The following DACH2 variants were observed in gnomAD, a reference collection of about 807,000 sequenced individuals.
DACH2 encodes dachshund family transcription factor 2, also known as dachshund homolog 2.
Under a neutral mutation model 35.8 loss-of-function variants are expected in DACH2, and 17 were observed. The ratio of observed to expected loss-of-function variants is 0.48; its 90% CI spans 0.33 to 0.71. The LOEUF (loss-of-function observed/expected upper bound fraction) is 0.71. Ranked by LOEUF, DACH2 falls within the 30% of genes least tolerant of loss-of-function variation. The pLI is 0.02. For missense variants in DACH2, 469 were observed against 472.7 expected (o/e 0.99, Z 0.07); for synonymous variants, 195 against 177.3 (o/e 1.10, Z -0.79).
intron 2 of DACH2, among the ~76,000 whole-genome samples, chrX:86,381,336 A>T (rs997432703): frequency 6.3e-5 from 7 of 111,320 alleles, no homozygotes; most frequent in African/African-American, 2.3e-4. Flanking sequence ...ATTGATTCCG[A>T]TCACTTAGCA....
chrX:86,562,777 C>G (rs2039241065), intron 3 of DACH2, among the ~76,000 whole-genome samples: 1 of 111,325 alleles, frequency 9.0e-6, no homozygotes, highest in African/African-American at 3.3e-5. Flanking sequence ...TTCTAGAACT[C>G]TGCTTTTGCA....
intron 2 of DACH2, among the ~76,000 whole-genome samples, chrX:86,489,521 C>T (rs1342393690): frequency 9.0e-6 from 1 of 110,727 alleles, no homozygotes; most frequent in Non-Finnish European, 1.9e-5. Flanking sequence ...GAAGATTTTA[C>T]ACGTTCTTGC....
chrX:86,180,315 T>A (rs1429072870), intron 1 of DACH2, among the ~76,000 whole-genome samples: 1 of 104,350 alleles, frequency 9.6e-6, no homozygotes, highest in Non-Finnish European at 2.0e-5. Context: ...TTTTTTCTTA[T>A]GGGTACATTT....
At chrX:86,720,659 A>G (rs2041394903) in intron 6 of DACH2, among the ~76,000 whole-genome samples, 1 of 111,980 alleles carries the variant, frequency 8.9e-6, no homozygotes, top group Non-Finnish European at 1.9e-5. Context: ...TGGCTTTTCC[A>G]GGAGCATGGT....
At chrX:86,464,652 G>A (rs1012102556) in intron 2 of DACH2, among the ~76,000 whole-genome samples, 3 of 110,602 alleles carry the variant, frequency 2.7e-5, no homozygotes, top group African/African-American at 9.9e-5. Context: ...AAACCTGCAT[G>A]TTCTGCACAT....
At chrX:86,642,922 C>T (rs1003522790) in intron 3 of DACH2, among the ~76,000 whole-genome samples, 7 of 111,246 alleles carry the variant, frequency 6.3e-5, no homozygotes, top group Admixed American at 5.7e-4. Context: ...AACAAAGATG[C>T]AACATACCAG....
At chrX:86,418,059 A>G (rs111504349) in intron 2 of DACH2, among the ~76,000 whole-genome samples, 1 of 111,417 alleles carries the variant, frequency 9.0e-6, no homozygotes, top group Non-Finnish European at 1.9e-5. Context: ...AAATTATCTC[A>G]TTTGACTCCA....
intron 7 of DACH2, among the ~76,000 whole-genome samples, chrX:86,756,181 A>G (rs188873935): frequency 3.2e-3 from 352 of 111,311 alleles, no homozygotes; most frequent in Non-Finnish European, 5.0e-3. Context: ...TGGTGCCTCC[A>G]TGTTCATTCT....
rs764503303 is a variant in DACH2 at position 86,278,829 on chromosome X, C to T, written c.489-97995C>T. ...CGCTGCCAGCACAGCAGTCTGAAAT[C>T]GACCTGGGATGCTCGAATTTGGTGG... On this transcript the variant is annotated intron_variant, in intron 1 of 11. Coordinates refer to ENST00000373125, the MANE Select transcript of DACH2 (RefSeq NM_053281.3). Among the ~76,000 whole-genome samples the T allele has an allele frequency of 2.0e-4, 22 of 111,627 alleles. No homozygotes were observed. The South Asian group carries it at 8.0e-3, about 41-fold the overall frequency.
At chrX:86,291,636 G>T (rs1388141096) in intron 1 of DACH2, among the ~76,000 whole-genome samples, 6 of 108,400 alleles carry the variant, frequency 5.5e-5, no homozygotes, top group South Asian at 4.1e-4. Context: ...TAGCATGAAG[G>T]GTTGTTAAAT....
chrX:86,156,209 T>C (rs2030539811), intron 1 of DACH2, among the ~76,000 whole-genome samples: 1 of 111,433 alleles, frequency 9.0e-6, no homozygotes, highest in Non-Finnish European at 1.9e-5. Flanking sequence ...ATTTGTTACA[T>C]AAAACAAAAC....
chrX:86,624,658 G>A (rs2040112190), intron 3 of DACH2, among the ~76,000 whole-genome samples: 1 of 111,665 alleles, frequency 9.0e-6, no homozygotes, highest in Non-Finnish European at 1.9e-5. Context: ...GACAAAATGG[G>A]AAAAGGAAGA....
intron 2 of DACH2, among the ~76,000 whole-genome samples, chrX:86,413,367 A>T (rs1188775462): frequency 8.9e-6 from 1 of 112,253 alleles, no homozygotes; most frequent in Non-Finnish European, 1.9e-5. Context: ...ATGGACAGGA[A>T]TGGAGAAAAA....
chrX:86,746,720 G>A lies in DACH2; in HGVS notation c.1240+6838G>A, dbSNP rs188656774. ...CTAAATATTTTATCCCATTTTGTGG[G>A]TTATCTTTTTACTGTTTTCGTAGTA... On this transcript the variant is annotated intron_variant, in intron 7 of 11. Transcript: ENST00000373125. 4.9e-3 allele frequency among the ~76,000 whole-genome samples: 541 copies of A among 110,914 alleles called. 1 individual carries two copies. The highest frequency in any genetic ancestry group is 9.2e-3 in the Admixed American group (95 of 10,373).
chrX:86,491,717 G>T (rs145209933), intron 2 of DACH2, among the ~76,000 whole-genome samples: 45 of 111,555 alleles, frequency 4.0e-4, no homozygotes, highest in African/African-American at 1.4e-3. Flanking sequence ...TTAAGAAAGA[G>T]AAAACAAAAT....
chrX:86,412,454 G>T (rs1204674825), intron 2 of DACH2, among the ~76,000 whole-genome samples: 1 of 111,542 alleles, frequency 9.0e-6, no homozygotes, highest in Non-Finnish European at 1.9e-5. Flanking sequence ...TCACCTAGTT[G>T]GTGTTGTAAT....
intron 1 of DACH2, among the ~76,000 whole-genome samples, chrX:86,290,483 A>G (rs2034259461): frequency 1.1e-5 from 1 of 87,787 alleles, no homozygotes; most frequent in Admixed American, 1.4e-4. Context: ...TGTTTAAGAC[A>G]TGAAGTCCTT....
chrX:86,317,197 A>G (rs1174279848), intron 1 of DACH2, among the ~76,000 whole-genome samples: 1 of 111,079 alleles, frequency 9.0e-6, no homozygotes, highest in Non-Finnish European at 1.9e-5. Context: ...TGTAGGCCAT[A>G]ACCATGACAA....
At chrX:86,547,979 G>GA (rs758578192) in intron 3 of DACH2, among the ~76,000 whole-genome samples, 1 of 112,403 alleles carries the variant, frequency 8.9e-6, no homozygotes, top group East Asian at 2.8e-4. Context: ...AAATCAGGCA[G>GA]AAAATGTCCT....
Sources: allele counts gnomAD v4.1 joint callset (sites outside exome capture counted in the v4.1 genomes callset), GRCh38; gene constraint gnomAD v4.1.1; transcripts MANE v1.5; gene names NCBI Gene and HGNC (gene_info 2026-07-23, HGNC 2026-07-21).